The following NRG1 variants were observed in gnomAD, a reference collection of about 807,000 sequenced individuals.
The protein encoded by NRG1 is neuregulin 1.
Under a neutral mutation model 63.8 loss-of-function variants are expected in NRG1, and 18 were observed. The observed-to-expected ratio is 0.28, with a 90% CI of 0.19 to 0.42. NRG1 has a LOEUF of 0.42. NRG1 is among the 10% of genes least tolerant of loss of function. The pLI is 1.00. For missense variants in NRG1, 762 were observed against 814.7 expected, an observed-to-expected ratio of 0.94 and a Z score of 0.79; for synonymous variants, 302 against 301.3, an observed-to-expected ratio of 1.00 and a Z score of -0.02.
intron 1 of NRG1, among the ~76,000 whole-genome samples, chr8:32,166,226 A>G (rs527908571): frequency 3.7e-4 from 56 of 152,218 alleles, no homozygotes; most frequent in African/African-American, 1.3e-3. Context: ...GAGAGGAGCA[A>G]TATGTTTTGT....
chr8:32,284,552 A>G (rs1355768022), intron 1 of NRG1, among the ~76,000 whole-genome samples: 3 of 119,934 alleles, frequency 2.5e-5, no homozygotes, highest in Non-Finnish European at 5.2e-5. Context: ...CTTTCTTTCC[A>G]CAGAATCTCG....
Position 32,243,857 on chromosome 8 carries a change from A to T in NRG1, c.38-351971A>T, listed in dbSNP as rs572714085. The stretch of plus-strand genomic sequence containing the variant: ...AGCCTCCTCTCTCTCTGCCACCTGA[A>T]AATGCAACAGGGAATGGCCATCCAC... On this transcript the variant is annotated intron_variant, in intron 1 of 10. Transcript: ENST00000519301. Among the ~76,000 whole-genome samples the T allele has an allele frequency of 2.0e-5, 3 of 152,258 alleles. No homozygotes were observed. In the South Asian group the frequency reaches 6.2e-4, roughly 32 times the overall value.
At chr8:31,789,196 G>C (rs981016195) in intron 1 of NRG1, among the ~76,000 whole-genome samples, 4 of 152,194 alleles carry the variant, frequency 2.6e-5, no homozygotes, top group African/African-American at 9.7e-5. Context: ...TTATGGAGTT[G>C]TAGAGCCTGT....
intron 1 of NRG1, among the ~76,000 whole-genome samples, chr8:32,369,740 G>C (rs1808563396): frequency 6.6e-6 from 1 of 152,186 alleles, no homozygotes. Context: ...TGGCATTGTT[G>C]AAATCCATTC....
chr8:32,078,872 T>G (rs1827008035), intron 1 of NRG1, among the ~76,000 whole-genome samples: 1 of 152,170 alleles, frequency 6.6e-6, no homozygotes, highest in African/African-American at 2.4e-5. Context: ...TGAGGGCTTA[T>G]TCCAGCTGGC....
At chr8:32,197,492 G>A (rs182687784) in intron 1 of NRG1, among the ~76,000 whole-genome samples, 5 of 152,278 alleles carry the variant, frequency 3.3e-5, no homozygotes, top group East Asian at 3.9e-4. Flanking sequence ...AATGTGCCTC[G>A]TAGGTTGCCT....
chr8:31,879,343 T>C (rs569906941), intron 1 of NRG1, among the ~76,000 whole-genome samples: 100 of 152,324 alleles, frequency 6.6e-4, no homozygotes, highest in African/African-American at 2.2e-3. Flanking sequence ...ATGTAATCTG[T>C]TTAAGTCTTG....
At chr8:31,739,004 A>G (rs62506954) in intron 1 of NRG1, among the ~76,000 whole-genome samples, 5 of 151,918 alleles carry the variant, frequency 3.3e-5, no homozygotes, top group African/African-American at 4.8e-5. Context: ...TGGGGGCCCA[A>G]TTCAACCAAT....
intron 7 of NRG1, among the ~76,000 whole-genome samples, chr8:32,743,499 T>C (rs906133286): frequency 8.0e-5 from 12 of 149,072 alleles, no homozygotes; most frequent in Non-Finnish European, 1.8e-4. Flanking sequence ...AACTCAACTA[T>C]AGGATAAATA....
chr8:32,212,780 T>C (rs553474087), intron 1 of NRG1, among the ~76,000 whole-genome samples: 1 of 152,202 alleles, frequency 6.6e-6, no homozygotes, highest in Non-Finnish European at 1.5e-5. Context: ...TGGTTCTTGT[T>C]ATTCTTTGAC....
In NRG1 at chr8:32,449,249, A is replaced by G. The variant is rs190051201; in HGVS notation, c.38-146579A>G. Among the ~76,000 whole-genome samples, 41 of 152,200 alleles carry G rather than the reference A, an allele frequency of 2.7e-4. 2 individuals are homozygous for G. The highest frequency in any genetic ancestry group is 2.6e-3 in the Admixed American group (39 of 15,276). On this transcript the variant is annotated intron_variant, in intron 1 of 10. Transcript: ENST00000519301. ...GAGTTTAGGGCTGCAATGAGATGTG[A>G]GTGCACCACCATACTCTAGCCTGGG... is the stretch of plus-strand genomic sequence containing the variant.
chr8:32,580,368 C>A (rs1840424573), intron 1 of NRG1, among the ~76,000 whole-genome samples: 1 of 151,962 alleles, frequency 6.6e-6, no homozygotes, highest in African/African-American at 2.4e-5. Flanking sequence ...TCTAAGTGGG[C>A]AGTTATTTAA....
At chr8:32,547,625 A>ACG (rs915264985), upstream of NRG1, among the ~76,000 whole-genome samples, 1 of 140,096 alleles carries the variant, frequency 7.1e-6, no homozygotes, top group East Asian at 2.2e-4. Context: ...ACACACACAC[A>ACG]CGCACACGGC....
chr8:32,412,329 G>T (rs1815079431), intron 1 of NRG1, among the ~76,000 whole-genome samples: 1 of 150,484 alleles, frequency 6.6e-6, no homozygotes, highest in Non-Finnish European at 1.5e-5. Context: ...ATTGCTGACT[G>T]CAGATCTTAT....
chr8:32,356,474 A>ACCCCCCCCCCCCCCCCCCCCCCCCC (rs11426642), intron 1 of NRG1, among the ~76,000 whole-genome samples: 2 of 69,324 alleles, frequency 2.9e-5, no homozygotes, highest in African/African-American at 5.9e-5. Context: ...CCTTGTTGGG[A>ACCCCCCCCCCCCCCCCCCCCCCCCC]CCCCCCCCCC....
intron 1 of NRG1, among the ~76,000 whole-genome samples, chr8:32,304,057 T>C (rs1178056920): frequency 6.6e-6 from 1 of 152,252 alleles, no homozygotes. Context: ...ATTCACTTTT[T>C]CTCTCTGCTG....
intron 5 of NRG1, among the ~76,000 whole-genome samples, chr8:32,725,116 A>C (rs1329925347): frequency 6.6e-6 from 1 of 152,024 alleles, no homozygotes; most frequent in Non-Finnish European, 1.5e-5. Flanking sequence ...TATTGTTTAC[A>C]TTTTATAAGG....
intron 1 of NRG1, among the ~76,000 whole-genome samples, chr8:32,582,688 C>A (rs1840879659): frequency 1.3e-5 from 2 of 152,192 alleles, no homozygotes; most frequent in Admixed American, 6.5e-5. Context: ...CCTGAGCCAA[C>A]CTGACTTCAA....
intron 1 of NRG1, among the ~76,000 whole-genome samples, chr8:31,733,810 G>A (rs1418392830): frequency 6.6e-6 from 1 of 152,106 alleles, no homozygotes; most frequent in African/African-American, 2.4e-5. Flanking sequence ...CCGCCCACAT[G>A]ACTCTGCTGT....
Sources: allele counts gnomAD v4.1 joint callset (sites outside exome capture counted in the v4.1 genomes callset), GRCh38; gene constraint gnomAD v4.1.1; transcripts MANE v1.5; gene names NCBI Gene and HGNC (gene_info 2026-07-23, HGNC 2026-07-21).